Variants in PRKCE observed in about 807,000 individuals in gnomAD.
PRKCE encodes protein kinase C epsilon.
PRKCE carries 16 observed loss-of-function variants against 85.4 expected under a neutral mutation model. The ratio of observed to expected loss-of-function variants is 0.19; its 90% confidence interval spans 0.13 to 0.28. PRKCE has a LOEUF of 0.28. PRKCE is among the 10% of genes least tolerant of loss of function. The pLI, the probability that PRKCE is intolerant of heterozygous loss-of-function variation, is 1.00. For synonymous variants in PRKCE, 388 were observed against 371.5 expected (o/e 1.04, Z -0.51); for missense variants, 573 against 975.2 (o/e 0.59, Z 5.49).
intron 11 of PRKCE, among the ~76,000 whole-genome samples, chr2:46,143,355 C>G (rs537380821): frequency 3.3e-5 from 5 of 152,218 alleles, no homozygotes; most frequent in African/African-American, 1.2e-4. Context: ...GGGCATGTGA[C>G]TCAGTGGGGC....
chr2:46,154,066 T>C (rs1001189562), intron 13 of PRKCE, among the ~76,000 whole-genome samples: 7 of 152,154 alleles, frequency 4.6e-5, no homozygotes, highest in African/African-American at 1.7e-4. Context: ...ATTACAGGCG[T>C]GAGCCTCCAC....
chr2:45,703,946 G>T (rs1678896543), intron 1 of PRKCE, among the ~76,000 whole-genome samples: 1 of 152,158 alleles, frequency 6.6e-6, no homozygotes, highest in African/African-American at 2.4e-5. Context: ...ATAGCAAATG[G>T]GTAGAGTAAT....
rs2103772630 is a variant in PRKCE at position 45,905,969 on chromosome 2, G to A, written c.412+62906G>A. 6.6e-6 allele frequency among the ~76,000 whole-genome samples: 1 copy of A among 152,344 alleles called. No individual in the cohort carries two copies. The highest frequency in any genetic ancestry group is 2.1e-4 in the South Asian group (1 of 4,824). On this transcript the variant is annotated intron_variant, in intron 2 of 14. Transcript: ENST00000306156. This position sits in a 1 kb window ranked among gnomAD's most constrained non-coding sequence, Gnocchi z 4.4. ...GGCCGGGGTGGGCAGGCTATCTTCA[G>A]CGGTGATGCGCTTTCAACCCTCCTC...
chr2:45,805,014 A>G (rs1373183317), intron 1 of PRKCE, among the ~76,000 whole-genome samples: 1 of 151,694 alleles, frequency 6.6e-6, no homozygotes, highest in Non-Finnish European at 1.5e-5. Context: ...GTTCTAGAAA[A>G]CCTTTCTAGA....
At chr2:45,979,626 G>C (rs957628223) in intron 4 of PRKCE, among the ~76,000 whole-genome samples, 2 of 152,202 alleles carry the variant, frequency 1.3e-5, no homozygotes, top group African/African-American at 4.8e-5. Context: ...GGTTAGAGCA[G>C]GGAGGTTTTC....
chr2:45,926,695 T>A (rs1025876254), intron 2 of PRKCE, among the ~76,000 whole-genome samples: 8 of 152,214 alleles, frequency 5.3e-5, no homozygotes, highest in Non-Finnish European at 2.9e-5. Flanking sequence ...GAACATTTTG[T>A]GACATGGACA....
intron 10 of PRKCE, among the ~76,000 whole-genome samples, chr2:46,071,339 T>A (rs558970001): frequency 6.6e-6 from 1 of 152,346 alleles, no homozygotes; most frequent in South Asian, 2.1e-4. Flanking sequence ...TGAAGACTAG[T>A]GAATGAAAAA....
intron 2 of PRKCE, among the ~76,000 whole-genome samples, chr2:45,858,947 G>A (rs1452958015): frequency 2.6e-5 from 4 of 151,740 alleles, no homozygotes; most frequent in South Asian, 2.1e-4. Context: ...AGGCTGAGGC[G>A]GGAGAATCAC....
chr2:46,159,844 G>T lies in PRKCE; in HGVS notation c.2067+92G>T. ...TGCACCCAGGAAGAGTTGGTCAGGGGATGCGTATTACAGTAAAAATGACAA... is the reference window on the plus strand; with the variant it reads ...TGCACCCAGGAAGAGTTGGTCAGGGTATGCGTATTACAGTAAAAATGACAA... On this transcript the variant is annotated intron_variant, in intron 14 of 14. Transcript: ENST00000306156. The surrounding 1 kb of genome is among the most constrained non-coding windows in gnomAD (Gnocchi z 4.1). The T allele has an allele frequency of 6.6e-7, 1 of 1,508,034 alleles. No individual in the cohort carries two copies. Among genetic ancestry groups the T allele is most frequent in the South Asian group, 1.2e-5 (1 of 84,350 alleles). The allele number at this position is 1,508,034 out of a possible 1,614,324, so 93.4% of individuals were successfully genotyped here. A position where few individuals can be genotyped will look rare whatever the true frequency, so the allele number is the denominator to read the frequency against.
At chr2:46,031,164 C>T (rs957382840) in intron 10 of PRKCE, among the ~76,000 whole-genome samples, 2 of 152,168 alleles carry the variant, frequency 1.3e-5, no homozygotes, top group African/African-American at 2.4e-5. Flanking sequence ...TACAAATAAA[C>T]GAAAAGAACT....
intron 2 of PRKCE, among the ~76,000 whole-genome samples, chr2:45,868,824 G>T (rs1693839143): frequency 6.6e-6 from 1 of 151,468 alleles, no homozygotes; most frequent in Non-Finnish European, 1.5e-5. Context: ...CAGGCATGGT[G>T]GTGCATGCCT....
intron 6 of PRKCE, among the ~76,000 whole-genome samples, chr2:45,995,946 C>T (rs1226441921): frequency 1.3e-5 from 2 of 152,096 alleles, no homozygotes; most frequent in African/African-American, 4.8e-5. Flanking sequence ...ATATATAGAT[C>T]GAGTTTGGAA....
intron 2 of PRKCE, among the ~76,000 whole-genome samples, chr2:45,972,531 A>G (rs1702176764): frequency 6.6e-6 from 1 of 152,196 alleles, no homozygotes; most frequent in African/African-American, 2.4e-5. Flanking sequence ...CTAAGAAATC[A>G]TTGCCAAGAC....
At chr2:46,005,323 C>T (rs1418735101) in intron 8 of PRKCE, among the ~76,000 whole-genome samples, 1 of 152,184 alleles carries the variant, frequency 6.6e-6, no homozygotes, top group Non-Finnish European at 1.5e-5. Flanking sequence ...GGGACTTACA[C>T]TTGCAAAACC....
chr2:45,963,597 C>T (rs1401306895), intron 2 of PRKCE, among the ~76,000 whole-genome samples: 1 of 152,208 alleles, frequency 6.6e-6, no homozygotes, highest in Non-Finnish European at 1.5e-5. Flanking sequence ...GCATGAGCTA[C>T]CGCGCCCGGC....
intron 11 of PRKCE, among the ~76,000 whole-genome samples, chr2:46,117,754 G>T (rs1218739467): frequency 2.0e-5 from 3 of 152,186 alleles, no homozygotes; most frequent in Non-Finnish European, 2.9e-5. Context: ...CATAGGAAGG[G>T]CTTAGTAATT....
At position 45,805,409 on chromosome 2, in the gene PRKCE, C is replaced by T. The variant is rs533195204; in HGVS notation, c.349-37591C>T. 2.5e-4 allele frequency among the ~76,000 whole-genome samples: 38 copies of T among 152,242 alleles called. No individual in the cohort carries two copies. In the South Asian group the frequency reaches 6.6e-3, roughly 27 times the overall value. On this transcript the variant is annotated intron_variant, in intron 1 of 14. Coordinates refer to ENST00000306156, the MANE Select transcript of PRKCE (RefSeq NM_005400.3). ...TGGTTCAGTGTTCCTTCTCAGCGTT[C>T]GTGCCCACACACAAAGGATGCTGTG...
chr2:45,706,127 G>T lies in PRKCE; in HGVS notation c.348+53679G>T, dbSNP rs1179490603. The stretch of plus-strand genomic sequence containing the variant: ...CATCCAGGTGAGTTCTTGAGGTTAG[G>T]GTAGGATGAGAAGCAGTAGAAGCCC... On this transcript the variant is annotated intron_variant, in intron 1 of 14. Transcript: ENST00000306156. Among the ~76,000 whole-genome samples, 3 of 152,274 alleles carry T rather than the reference G, an allele frequency of 2.0e-5. No homozygotes were observed. The East Asian group carries it at 5.8e-4, about 29-fold the overall frequency.
chr2:46,034,486 A>G (rs1163346672), intron 10 of PRKCE, among the ~76,000 whole-genome samples: 1 of 152,178 alleles, frequency 6.6e-6, no homozygotes, highest in African/African-American at 2.4e-5. Flanking sequence ...CCTAATTTTG[A>G]AAACATTGCA....
Sources: allele counts gnomAD v4.1 joint callset (sites outside exome capture counted in the v4.1 genomes callset), GRCh38; gene constraint gnomAD v4.1.1; non-coding constraint Gnocchi (gnomAD v3.1); transcripts MANE v1.5; gene names NCBI Gene and HGNC (gene_info 2026-07-23, HGNC 2026-07-21).